DENND4C: variants seen among roughly 807,000 people sequenced by gnomAD.
DENND4C encodes the protein DENN domain containing 4C.
Under a neutral mutation model 203.0 loss-of-function variants are expected in DENND4C, and 108 were observed. The ratio of observed to expected loss-of-function variants is 0.53; its 90% CI spans 0.46 to 0.62. DENND4C has a LOEUF of 0.62. Ranked by LOEUF, DENND4C falls within the 20% of genes least tolerant of loss-of-function variation. The pLI is 0.00. For synonymous variants in DENND4C, 871 were observed against 792.4 expected, an observed-to-expected ratio of 1.10 and a Z score of -1.67; for missense variants, 2,481 against 2,301.2, an observed-to-expected ratio of 1.08 and a Z score of -1.60.
chr9:19,253,098 A>G (rs1314205912), intron 1 of DENND4C, among the ~76,000 whole-genome samples: 1 of 152,218 alleles, frequency 6.6e-6, no homozygotes, highest in East Asian at 1.9e-4. Flanking sequence ...TAACCTTTAG[A>G]TGCATATGCC....
intron 2 of DENND4C, among the ~76,000 whole-genome samples, chr9:19,280,720 TG>T (rs893533429): frequency 6.6e-6 from 1 of 151,804 alleles, no homozygotes; most frequent in Non-Finnish European, 1.5e-5. Context: ...TTAAAAAAAT[TG>T]TTTTTTTTAA....
chr9:19,350,915 A>G (rs764551282), intron 24 of DENND4C, 36 bp downstream of exon 24: 4 of 1,544,344 alleles, frequency 2.6e-6, no homozygotes, highest in Admixed American at 2.0e-5. Flanking sequence ...CATTTGCTTT[A>G]TAATAGTTTT....
At chr9:19,241,407 C>G (rs1419493601) in intron 1 of DENND4C, among the ~76,000 whole-genome samples, 2 of 151,702 alleles carry the variant, frequency 1.3e-5, no homozygotes, top group Non-Finnish European at 2.9e-5. Context: ...GAGATAGAGT[C>G]TCGCTATGTT....
rs957999117 is a variant in DENND4C at position 19,336,825 on chromosome 9, T to C, written c.2874T>C (p.Ser958=). The C allele has an allele frequency of 6.5e-7, 1 of 1,548,020 alleles. No homozygotes were observed. Among genetic ancestry groups the C allele is most frequent in the Non-Finnish European group, 8.7e-7 (1 of 1,146,234 alleles). ...GGCTTGAGTCCATTGATAATCACTC[T>C]AGCACAGGTACTAAAATCCAGATTT... The part of the protein sequence containing the change: ...LIRLESIDNH[S]STGGQSDQGY... Residue 958 remains serine (S), a synonymous_variant, in exon 20 of 33, where the codon TCT becomes TCC. Coordinates refer to ENST00000434457, the MANE Select transcript of DENND4C (RefSeq NM_001330640.2).
intron 23 of DENND4C, among the ~76,000 whole-genome samples, chr9:19,348,941 A>G (rs887814185): frequency 9.2e-5 from 14 of 151,926 alleles, no homozygotes; most frequent in East Asian, 1.9e-4. Context: ...CCTGATTGCT[A>G]GGACTCCAGG....
At chr9:19,359,295 A>G (rs564845499) in intron 28 of DENND4C, among the ~76,000 whole-genome samples, 3 of 151,754 alleles carry the variant, frequency 2.0e-5, no homozygotes, top group Non-Finnish European at 1.5e-5. Context: ...TGCCCAGGCT[A>G]TTCCTAAACT....
intron 26 of DENND4C, among the ~76,000 whole-genome samples, chr9:19,354,149 C>T (rs1824820730): frequency 6.6e-6 from 1 of 152,126 alleles, no homozygotes; most frequent in Non-Finnish European, 1.5e-5. Context: ...ACTATATGTA[C>T]ATCTAGTTTA....
intron 12 of DENND4C, 89 bp from the exon 13 acceptor site, chr9:19,324,273 T>G: frequency 1.1e-6 from 1 of 942,986 alleles, no homozygotes; most frequent in African/African-American, 1.7e-5. Flanking sequence ...ATAAAGAGAA[T>G]GTAATATAGA....
chr9:19,271,971 C>G (rs756031528), intron 1 of DENND4C, among the ~76,000 whole-genome samples: 6 of 151,566 alleles, frequency 4.0e-5, no homozygotes, highest in Non-Finnish European at 7.4e-5. Flanking sequence ...GTAATCAGAA[C>G]CATGTAGTAC....
At chr9:19,293,763 C>T (rs1489478817) in intron 5 of DENND4C, among the ~76,000 whole-genome samples, 2 of 152,182 alleles carry the variant, frequency 1.3e-5, no homozygotes, top group Non-Finnish European at 2.9e-5. Flanking sequence ...GAATTGAGAG[C>T]ATCATGCCAC....
chr9:19,281,435 T>A (rs1301435345), intron 2 of DENND4C, among the ~76,000 whole-genome samples: 3 of 152,242 alleles, frequency 2.0e-5, no homozygotes, highest in African/African-American at 7.2e-5. Flanking sequence ...TTGGAAAACC[T>A]ATTAGCTTCT....
Position 19,336,731 on chromosome 9 carries a change from A to C in DENND4C, c.2780A>C (p.His927Pro). ...GGAAGTGATGGGGACACGGTGAGCC[A>C]CGGTAGTGTGGATAGTTCTAATGAT... ...TGGSDGDTVS[H>P]GSVDSSNDAN... Residue 927 changes from histidine to proline, a missense_variant, in exon 20 of 33, where the codon CAC becomes CCC. Around this residue, in one of 3 missense-constraint regions of DENND4C, gnomAD observed 2,289 missense variants for 2,113.3 expected, o/e 1.08. Transcript: ENST00000434457. 6.4e-7 allele frequency: 1 copy of C among 1,551,126 alleles called. No individual in the cohort carries two copies.
chr9:19,239,377 C>T (rs1419118513), intron 1 of DENND4C, among the ~76,000 whole-genome samples: 1 of 151,898 alleles, frequency 6.6e-6, no homozygotes, highest in Non-Finnish European at 1.5e-5. Flanking sequence ...TATTTAATTT[C>T]TAAATACTGG....
At chr9:19,244,655 G>C (rs999083465) in intron 1 of DENND4C, among the ~76,000 whole-genome samples, 1 of 151,180 alleles carries the variant, frequency 6.6e-6, no homozygotes, top group Non-Finnish European at 1.5e-5. Flanking sequence ...CAGGAGAATC[G>C]CTTGAACCCG....
chr9:19,282,037 C>T (rs935276349), intron 2 of DENND4C, among the ~76,000 whole-genome samples: 3 of 152,140 alleles, frequency 2.0e-5, no homozygotes, highest in Non-Finnish European at 4.4e-5. Flanking sequence ...TAGGACATTA[C>T]TGTATACTAC....
rs1423588570 is a variant in DENND4C, at chr9:19,346,887, C to T, written c.4118C>T (p.Thr1373Ile). ...TPSRTHKERSTSLSALVRSSP... is the reference protein window; with the variant it reads ...TPSRTHKERSISLSALVRSSP... ...TCTCGAACTCATAAAGAACGTTCAA[C>T]TTCTTTGTCAGCACTGGTGCGTTCT... Residue 1373 changes from threonine to isoleucine, a missense_variant, in exon 23 of 33, where the codon ACT becomes ATT. By Grantham distance (89) the Thr-to-Ile change is moderately conservative. Coordinates refer to ENST00000434457, the MANE Select transcript of DENND4C (RefSeq NM_001330640.2). 5 of 1,614,104 alleles carry T rather than the reference C, an allele frequency of 3.1e-6. No individual in the cohort carries two copies. The highest frequency in any genetic ancestry group is 3.3e-5 in the Admixed American group (2 of 60,002).
intron 23 of DENND4C, among the ~76,000 whole-genome samples, chr9:19,350,435 A>G (rs1014379808): frequency 6.6e-6 from 1 of 152,136 alleles, no homozygotes; most frequent in African/African-American, 2.4e-5. Flanking sequence ...CTGTTATTTT[A>G]TAAGATTCAA....
At chr9:19,281,060 T>C (rs1047003626) in intron 2 of DENND4C, among the ~76,000 whole-genome samples, 16 of 152,134 alleles carry the variant, frequency 1.1e-4, no homozygotes, top group Admixed American at 2.0e-4. Context: ...TTAGAGTCCA[T>C]CTTTTGACAA....
In DENND4C at chr9:19,290,650, A is replaced by G. The variant is rs1836111398; in HGVS notation, c.629-54A>G. 2.7e-5 allele frequency: 33 copies of G among 1,242,078 alleles called. No individual in the cohort carries two copies. In the South Asian group the frequency reaches 7.6e-4, roughly 29 times the overall value. The allele number at this position is 1,242,078 out of a possible 1,614,324, so 76.9% of individuals were successfully genotyped here. On this transcript the variant is annotated intron_variant, in intron 4 of 32. Coordinates refer to ENST00000434457, the MANE Select transcript of DENND4C (RefSeq NM_001330640.2). ...ATTCCATTAATACCTATCATATGCA[A>G]TTTATGGAAAAGTAACTATTTAAAA...
Sources: allele counts gnomAD v4.1 joint callset (sites outside exome capture counted in the v4.1 genomes callset), GRCh38; gene constraint gnomAD v4.1.1; regional missense constraint gnomAD v4.1.1; transcripts MANE v1.5; gene names NCBI Gene and HGNC (gene_info 2026-07-23, HGNC 2026-07-21).